ATG5: variants seen among roughly 807,000 people sequenced by gnomAD.
ATG5 encodes the protein autophagy protein 5.
Under a neutral mutation model 36.5 loss-of-function variants are expected in ATG5, and 14 were observed. That is an observed-to-expected ratio of 0.38 (90% CI 0.25 to 0.60). The LOEUF (loss-of-function observed/expected upper bound fraction) is 0.60. ATG5 is among the 20% of genes least tolerant of loss of function. The probability of loss-of-function intolerance (pLI) is 0.60; values close to 1 mark genes in which losing one functional copy is unlikely to be tolerated. For missense variants in ATG5, 195 were observed against 326.7 expected, an observed-to-expected ratio of 0.60 and a Z score of 3.11; for synonymous variants, 95 against 101.5, an observed-to-expected ratio of 0.94 and a Z score of 0.38.
In ATG5 at chr6:106,184,629, T is replaced by A. The variant is rs952997768; in HGVS notation, c.*1911A>T. On this transcript the variant is annotated 3_prime_UTR_variant, in exon 8 of 8. Transcript: ENST00000369076. ...TGGGATTAGAGTAATAAAGCTATGA[T>A]GCTGGTACAATAATGAATGAGGAAG... 1 of 152,326 alleles carries A rather than the reference T, an allele frequency of 6.6e-6. No homozygotes were observed. The highest frequency in any genetic ancestry group is 1.5e-5 in the Non-Finnish European group (1 of 68,016). 9.4% of individuals were successfully genotyped at this position (152,326 alleles called of 1,614,324 possible). A position where few individuals can be genotyped will look rare whatever the true frequency, so the allele number is the denominator to read the frequency against.
chr6:106,232,622 CA>C (rs1396574378), intron 6 of ATG5, among the ~76,000 whole-genome samples: 1 of 152,058 alleles, frequency 6.6e-6, no homozygotes, highest in Admixed American at 6.5e-5. Flanking sequence ...ACAAGGACTC[CA>C]AAAGATTAAG....
intron 6 of ATG5, among the ~76,000 whole-genome samples, chr6:106,227,245 T>C (rs529755717): frequency 6.6e-6 from 1 of 152,222 alleles, no homozygotes; most frequent in East Asian, 1.9e-4. Context: ...AAATTTCTCA[T>C]CAGAAATGAT....
chr6:106,284,058 TG>T (rs1335691408), intron 4 of ATG5, among the ~76,000 whole-genome samples: 1 of 152,236 alleles, frequency 6.6e-6, no homozygotes, highest in Non-Finnish European at 1.5e-5. Context: ...TACAGTATTT[TG>T]TTTATTCATC....
At chr6:106,273,530 C>G (rs537611094) in intron 5 of ATG5, among the ~76,000 whole-genome samples, 7 of 152,170 alleles carry the variant, frequency 4.6e-5, no homozygotes, top group African/African-American at 1.7e-4. Flanking sequence ...GGCATTACCA[C>G]CTTCGTATTT....
intron 4 of ATG5, chr6:106,283,295 T>C (rs1779949403): frequency 6.6e-6 from 1 of 152,258 alleles, no homozygotes; most frequent in Non-Finnish European, 1.5e-5. Context: ...TCAGGGTTAT[T>C]CTGGCCTCTA....
At chr6:106,226,941 G>C (rs979754597) in intron 6 of ATG5, among the ~76,000 whole-genome samples, 1 of 151,886 alleles carries the variant, frequency 6.6e-6, no homozygotes, top group African/African-American at 2.4e-5. Context: ...AGGAAGGAAG[G>C]AAAGGAGGCT....
chr6:106,244,925 G>A (rs1778271362), intron 6 of ATG5, among the ~76,000 whole-genome samples: 1 of 152,164 alleles, frequency 6.6e-6, no homozygotes, highest in Non-Finnish European at 1.5e-5. Context: ...AAATACCAAT[G>A]CCTAAGGAAT....
chr6:106,284,095 A>G (rs1390946830), intron 4 of ATG5, among the ~76,000 whole-genome samples: 1 of 152,136 alleles, frequency 6.6e-6, no homozygotes, highest in Non-Finnish European at 1.5e-5. Context: ...GGTTATTTCC[A>G]CTTTGCCTAT....
At position 106,267,124 on chromosome 6, in the gene ATG5, T is replaced by G. The variant is rs529004655; in HGVS notation, c.478+12537A>C. On this transcript the variant is annotated intron_variant, in intron 5 of 7. Transcript: ENST00000369076. Reference sequence around the variant, plus strand: ...GTCTCAGCCCAAAAACTCCTTAAGCTGTTAATAAACTTCAGCAAAGTCTCA... The same window carrying G: ...GTCTCAGCCCAAAAACTCCTTAAGCGGTTAATAAACTTCAGCAAAGTCTCA... 3.3e-5 allele frequency among the ~76,000 whole-genome samples: 5 copies of G among 152,330 alleles called. No homozygotes were observed. In the South Asian group the frequency reaches 1.0e-3, roughly 32 times the overall value.
intron 3 of ATG5, among the ~76,000 whole-genome samples, chr6:106,295,698 G>T (rs1769896211): frequency 6.6e-6 from 1 of 151,598 alleles, no homozygotes; most frequent in African/African-American, 2.4e-5. Flanking sequence ...TGAGTGGCTG[G>T]GACTACAGAC....
At chr6:106,204,467 A>T (rs1331011683) in intron 6 of ATG5, among the ~76,000 whole-genome samples, 1 of 152,206 alleles carries the variant, frequency 6.6e-6, no homozygotes, top group East Asian at 1.9e-4. Flanking sequence ...GATTATTTTT[A>T]AAAATATGAT....
chr6:106,316,306 C>T (rs1198975302), intron 1 of ATG5, 40 bp from the exon 2 acceptor site: 10 of 726,750 alleles, frequency 1.4e-5, no homozygotes, highest in African/African-American at 3.7e-5. Context: ...ATCCTTGCAA[C>T]GATGAATGAA....
intron 5 of ATG5, among the ~76,000 whole-genome samples, chr6:106,277,425 A>T (rs1281404887): frequency 6.6e-6 from 1 of 152,260 alleles, no homozygotes; most frequent in Non-Finnish European, 1.5e-5. Flanking sequence ...AAAACTAAGC[A>T]AAGTGATCTT....
intron 7 of ATG5, among the ~76,000 whole-genome samples, chr6:106,196,935 T>A (rs1776217863): frequency 6.6e-6 from 1 of 152,116 alleles, no homozygotes; most frequent in South Asian, 2.1e-4. Flanking sequence ...AAGCCCTCTT[T>A]CCTGGATTAA....
At chr6:106,257,552 A>G (rs1476035980) in intron 5 of ATG5, among the ~76,000 whole-genome samples, 1 of 152,238 alleles carries the variant, frequency 6.6e-6, no homozygotes, top group Admixed American at 6.5e-5. Context: ...CATAATGCAG[A>G]GCATGATTGT....
intron 5 of ATG5, among the ~76,000 whole-genome samples, chr6:106,269,686 CCGGCTGCTCCGAGT>C (rs1303373939): frequency 6.6e-6 from 1 of 152,228 alleles, no homozygotes; most frequent in African/African-American, 2.4e-5. Flanking sequence ...GCAGGGCCGG[CCGGCTGCTCCGAGT>C]GCGGGGTCCG....
chr6:106,281,005 A>G (rs1779858616), intron 4 of ATG5, among the ~76,000 whole-genome samples: 1 of 152,154 alleles, frequency 6.6e-6, no homozygotes, highest in Non-Finnish European at 1.5e-5. Flanking sequence ...AAAAAACAGC[A>G]TTTAGTTATA....
chr6:106,239,437 CA>C (rs1428555661), intron 6 of ATG5, among the ~76,000 whole-genome samples: 2 of 151,850 alleles, frequency 1.3e-5, no homozygotes, highest in Non-Finnish European at 2.9e-5. Flanking sequence ...AATGTATTTC[CA>C]TCTCTAATCA....
chr6:106,231,565 A>G (rs958355986), intron 6 of ATG5, among the ~76,000 whole-genome samples: 2 of 151,460 alleles, frequency 1.3e-5, no homozygotes. Context: ...AATGATGTCC[A>G]CTATAACACA....
Sources: allele counts gnomAD v4.1 joint callset (sites outside exome capture counted in the v4.1 genomes callset), GRCh38; gene constraint gnomAD v4.1.1; transcripts MANE v1.5; gene names NCBI Gene and HGNC (gene_info 2026-07-23, HGNC 2026-07-21).